Variants in APP observed in about 807,000 individuals in gnomAD.
APP encodes amyloid beta precursor protein.
APP carries 31 observed loss-of-function variants against 101.4 expected under a neutral mutation model. That is an observed-to-expected ratio of 0.31 (90% CI 0.23 to 0.41). APP has a LOEUF of 0.41. APP is among the 10% of genes least tolerant of loss of function. The pLI is 1.00. For missense variants in APP, 839 were observed against 1,003.7 expected, an observed-to-expected ratio of 0.84 and a Z score of 2.22; for synonymous variants, 366 against 364.4, an observed-to-expected ratio of 1.00 and a Z score of -0.05.
chr21:25,913,051 A>G (rs1306431272), intron 13 of APP, among the ~76,000 whole-genome samples: 1 of 152,236 alleles, frequency 6.6e-6, no homozygotes, highest in South Asian at 2.1e-4. Flanking sequence ...TATTTCAGAC[A>G]CATCACTGGT....
At chr21:26,096,373 C>T (rs2061942467) in intron 2 of APP, among the ~76,000 whole-genome samples, 1 of 152,226 alleles carries the variant, frequency 6.6e-6, no homozygotes, top group South Asian at 2.1e-4. Flanking sequence ...TTCAGACTAT[C>T]AGGAGGCTGC....
intron 5 of APP, among the ~76,000 whole-genome samples, chr21:26,041,288 G>C (rs1568897485): frequency 6.6e-6 from 1 of 152,166 alleles, no homozygotes; most frequent in Non-Finnish European, 1.5e-5. Context: ...TCACAATGGA[G>C]AGTCCTATCT....
chr21:26,033,693 G>C (rs370195454), intron 5 of APP, among the ~76,000 whole-genome samples: 1 of 152,186 alleles, frequency 6.6e-6, no homozygotes, highest in Admixed American at 6.5e-5. Flanking sequence ...TAGTTGTATT[G>C]CAACAAACAT....
At chr21:26,067,561 T>C (rs1004419861) in intron 3 of APP, among the ~76,000 whole-genome samples, 2 of 152,254 alleles carry the variant, frequency 1.3e-5, no homozygotes, top group Non-Finnish European at 2.9e-5. Context: ...TTATGCGCTA[T>C]GCTATCTTAA....
intron 5 of APP, 82 bp from the exon 6 acceptor site, chr21:26,022,124 T>G (rs2044370101): frequency 2.0e-6 from 3 of 1,519,812 alleles, no homozygotes; most frequent in Non-Finnish European, 2.7e-6. Context: ...CATATGGAAT[T>G]TTGGCAATTT....
intron 3 of APP, among the ~76,000 whole-genome samples, chr21:26,080,017 G>A (rs1329458459): frequency 3.3e-5 from 5 of 152,048 alleles, no homozygotes; most frequent in African/African-American, 7.2e-5. Context: ...CCAGCTACTC[G>A]GGAGGCTGAG....
At chr21:26,084,227 A>ATTTTTTT (rs869179482) in intron 3 of APP, among the ~76,000 whole-genome samples, 8 of 83,062 alleles carry the variant, frequency 9.6e-5, no homozygotes, top group Admixed American at 1.7e-4. Context: ...GAAGGGCTCC[A>ATTTTTTT]TTTTTTTTTT....
At chr21:26,102,385 G>A (rs550947837) in intron 2 of APP, among the ~76,000 whole-genome samples, 6 of 151,960 alleles carry the variant, frequency 3.9e-5, no homozygotes, top group South Asian at 2.1e-4. Flanking sequence ...CACTGCGCCC[G>A]GCCAAAACTA....
chr21:26,110,412 C>T (rs1287313121), intron 2 of APP, among the ~76,000 whole-genome samples: 2 of 152,068 alleles, frequency 1.3e-5, no homozygotes, highest in East Asian at 3.9e-4. Flanking sequence ...CACCACTGCA[C>T]TCCATCCTGG....
intron 1 of APP, among the ~76,000 whole-genome samples, chr21:26,168,519 G>C (rs1477375865): frequency 6.6e-6 from 1 of 152,210 alleles, no homozygotes; most frequent in African/African-American, 2.4e-5. Context: ...CAATTAAACA[G>C]ACCAAAAACT....
chr21:25,893,552 C>T (rs1327304350), intron 16 of APP, among the ~76,000 whole-genome samples: 1 of 152,194 alleles, frequency 6.6e-6, no homozygotes, highest in African/African-American at 2.4e-5. Context: ...TTTTAGTTGT[C>T]TGGATGGAAG....
At chr21:25,901,489 T>G (rs2038483282) in intron 15 of APP, among the ~76,000 whole-genome samples, 1 of 152,204 alleles carries the variant, frequency 6.6e-6, no homozygotes, top group Non-Finnish European at 1.5e-5. Flanking sequence ...AGAAGAGCTC[T>G]TGCTATAATA....
intron 8 of APP, among the ~76,000 whole-genome samples, chr21:25,984,100 T>C (rs2042547773): frequency 6.6e-6 from 1 of 152,142 alleles, no homozygotes. Flanking sequence ...AGCTCATACA[T>C]GTTAGTGGCC....
At chr21:25,918,197 T>TA in intron 13 of APP, among the ~76,000 whole-genome samples, 2 of 152,260 alleles carry the variant, frequency 1.3e-5, no homozygotes, top group East Asian at 3.8e-4. Flanking sequence ...CAAAGGATTA[T>TA]AAATCATTCT....
chr21:26,133,273 G>C (rs922089571), intron 1 of APP, among the ~76,000 whole-genome samples: 4 of 152,184 alleles, frequency 2.6e-5, no homozygotes, highest in African/African-American at 9.7e-5. Flanking sequence ...CAGTTCCTGA[G>C]TAATCGGCAG....
chr21:26,046,408 T>A (rs1245598406), intron 5 of APP, among the ~76,000 whole-genome samples: 1 of 143,244 alleles, frequency 7.0e-6, no homozygotes, highest in Non-Finnish European at 1.5e-5. Context: ...AAAAACTTCA[T>A]CTTAAAAAAA....
intron 5 of APP, among the ~76,000 whole-genome samples, chr21:26,046,837 CT>C (rs2045632263): frequency 6.6e-6 from 1 of 152,178 alleles, no homozygotes. Context: ...CAGGGCTAGG[CT>C]GCCTACCTGG....
intron 11 of APP, among the ~76,000 whole-genome samples, chr21:25,970,279 T>C (rs557981948): frequency 1.8e-4 from 28 of 152,312 alleles, no homozygotes; most frequent in African/African-American, 6.0e-4. Context: ...CCACTGCCTT[T>C]CCTGTGATGG....
intron 5 of APP, among the ~76,000 whole-genome samples, chr21:26,025,249 C>T (rs559577793): frequency 2.0e-5 from 3 of 152,302 alleles, no homozygotes; most frequent in South Asian, 4.1e-4. Context: ...TGTTGTATTA[C>T]TGGTGAATCA....
Sources: gnomAD v4.1 joint callset for allele counts (sites outside exome capture counted in the v4.1 genomes callset) on GRCh38, gnomAD v4.1.1 for gene constraint, MANE v1.5 for transcripts, NCBI Gene and HGNC (gene_info 2026-07-23, HGNC 2026-07-21) for gene names.